MTA3: variants seen among roughly 807,000 people sequenced by gnomAD.
The protein encoded by MTA3 is metastasis-associated protein MTA3.
In MTA3, 34 loss-of-function variants were observed where a neutral mutation model predicts 83.5. The observed-to-expected ratio is 0.41, with a 90% CI of 0.31 to 0.54. MTA3 has a LOEUF of 0.54. Ranked by LOEUF, MTA3 falls within the 20% of genes least tolerant of loss-of-function variation. MTA3 has a pLI of 0.33. For missense variants in MTA3, 761 were observed against 726.4 expected (o/e 1.05, Z -0.55); for synonymous variants, 303 against 252.7 (o/e 1.20, Z -1.89).
chr2:42,724,586 G>A (rs1460359221), intron 16 of MTA3, among the ~76,000 whole-genome samples: 3 of 150,002 alleles, frequency 2.0e-5, no homozygotes, highest in African/African-American at 7.4e-5. Context: ...CGAGGCTGCA[G>A]TGAGCTCTGA....
rs553998490 is a variant in MTA3 at position 42,516,997 on chromosome 2, C to T, written c.-141+21743C>T. Among the ~76,000 whole-genome samples the T allele has an allele frequency of 1.3e-4, 20 of 152,198 alleles. No homozygotes were observed. The South Asian group carries it at 1.5e-3, about 11-fold the overall frequency. On this transcript the variant is annotated intron_variant, in intron 2 of 17. Coordinates refer to the MTA3 transcript ENST00000405592. ...AAATTTGGCCCGGTGTGGTGGCTCACGCCTGTAAACCCAGCACTTTGGGAG... is the reference window on the plus strand; with the variant it reads ...AAATTTGGCCCGGTGTGGTGGCTCATGCCTGTAAACCCAGCACTTTGGGAG...
chr2:42,635,897 C>T (rs1300856071), intron 4 of MTA3, among the ~76,000 whole-genome samples: 1 of 152,036 alleles, frequency 6.6e-6, no homozygotes, highest in East Asian at 1.9e-4. Flanking sequence ...TCCGCAGTAG[C>T]TGGGATTACA....
chr2:42,745,601 G>T (rs923921174), intron 16 of MTA3, among the ~76,000 whole-genome samples: 1 of 151,980 alleles, frequency 6.6e-6, no homozygotes, highest in African/African-American at 2.4e-5. Flanking sequence ...GCTCAAGCTG[G>T]TCTCGATTTC....
intron 6 of MTA3, among the ~76,000 whole-genome samples, chr2:42,651,846 C>A (rs1030277524): frequency 1.3e-5 from 2 of 151,268 alleles, no homozygotes; most frequent in African/African-American, 4.9e-5. Context: ...GTAATCCCAG[C>A]ACTTTGGGAG....
intron 8 of MTA3, among the ~76,000 whole-genome samples, chr2:42,668,815 A>G (rs1201727454): frequency 6.6e-6 from 1 of 152,220 alleles, no homozygotes; most frequent in Non-Finnish European, 1.5e-5. Flanking sequence ...TGTTAATATA[A>G]TCTTTCATAT....
At chr2:42,517,108 A>G (rs541523232) in intron 2 of MTA3, among the ~76,000 whole-genome samples, 1 of 152,024 alleles carries the variant, frequency 6.6e-6, no homozygotes, top group East Asian at 1.9e-4. Context: ...AAAAATACAA[A>G]AATAAACCGG....
At chr2:42,643,089 A>G (rs1385840839) in intron 5 of MTA3, among the ~76,000 whole-genome samples, 3 of 128,928 alleles carry the variant, frequency 2.3e-5, no homozygotes, top group South Asian at 5.8e-4. Context: ...TTTTCCTGAC[A>G]GTGAACAATG....
At position 42,522,050 on chromosome 2, in the gene MTA3, G is replaced by A. The variant is rs140590434; in HGVS notation, c.-141+26796G>A. On this transcript the variant is annotated intron_variant, in intron 2 of 17. Transcript: ENST00000405592. ...ATTATAGGCATGAGCCACTGTGCCT[G>A]GCCACACCTGAATCTTTCTAAGGCA... is the stretch of plus-strand genomic sequence containing the variant. Among the ~76,000 whole-genome samples, 491 of 152,224 alleles carry A rather than the reference G, an allele frequency of 3.2e-3. 3 individuals are homozygous for A. The highest frequency in any genetic ancestry group is 3.9e-3 in the Non-Finnish European group (263 of 68,028).
At chr2:42,634,704 C>T (rs1687016305) in intron 4 of MTA3, among the ~76,000 whole-genome samples, 1 of 151,868 alleles carries the variant, frequency 6.6e-6, no homozygotes, top group Admixed American at 6.6e-5. Context: ...ATATGGCTGT[C>T]TAATAATATC....
intron 16 of MTA3, among the ~76,000 whole-genome samples, chr2:42,744,936 A>G (rs1037231399): frequency 5.3e-5 from 8 of 152,204 alleles, no homozygotes; most frequent in Non-Finnish European, 1.0e-4. Flanking sequence ...CCCCAGGGCA[A>G]TGGAAATGGA....
At chr2:42,614,601 G>A (rs1386441943) in intron 4 of MTA3, among the ~76,000 whole-genome samples, 6 of 151,848 alleles carry the variant, frequency 4.0e-5, no homozygotes, top group African/African-American at 1.5e-4. Context: ...TGTGATGCTC[G>A]GGCTGTTGTA....
intron 8 of MTA3, among the ~76,000 whole-genome samples, chr2:42,670,467 T>C (rs1251465332): frequency 6.6e-6 from 1 of 152,168 alleles, no homozygotes; most frequent in African/African-American, 2.4e-5. Flanking sequence ...TAAAGTAGAA[T>C]AAGCATTCTG....
chr2:42,548,864 ATATATATATATAAT>A (rs1241428540), intron 2 of MTA3, among the ~76,000 whole-genome samples: 473 of 29,442 alleles, frequency 0.016, 111 homozygotes, highest in African/African-American at 0.13. Context: ...TATATAATAT[ATATATATATATAAT>A]ATATATATAT....
chr2:42,669,171 A>G (rs906669698), intron 8 of MTA3, among the ~76,000 whole-genome samples: 9 of 144,162 alleles, frequency 6.2e-5, no homozygotes, highest in African/African-American at 2.4e-4. Flanking sequence ...TGCAACCTCC[A>G]CCTTCTGGGT....
Position 42,708,021 on chromosome 2 carries a change from A to G in MTA3, c.1269A>G (p.Glu423=). 1.2e-6 allele frequency: 2 copies of G among 1,612,244 alleles called. No homozygotes were observed. Among genetic ancestry groups the G allele is most frequent in the South Asian group, 1.1e-5 (1 of 90,552 alleles). ...GCTTGAAAATGCCCACCCAGTCAGA[A>G]GAAGAGAAGTTATCTCCTAGCCCAA... is the stretch of plus-strand genomic sequence containing the variant. ...YGGLKMPTQS[E]EEKLSPSPTT... is the part of the protein sequence containing the mutation. The change falls in exon 13 of 17, where the codon GAA becomes GAG. Residue 423 remains glutamate, a synonymous_variant. Coordinates refer to ENST00000405094, the MANE Select transcript of MTA3 (RefSeq NM_001330442.2).
chr2:42,755,913 A>T lies in MTA3; in HGVS notation c.*2514A>T. The T allele has an allele frequency of 1.0e-6, 1 of 985,484 alleles. No homozygotes were observed. The highest frequency in any genetic ancestry group is 1.2e-6 in the Non-Finnish European group (1 of 829,976). 61.0% of individuals were successfully genotyped at this position (985,484 alleles called of 1,614,324 possible). A position where few individuals can be genotyped will look rare whatever the true frequency, so the allele number is the denominator to read the frequency against. On this transcript the variant is annotated 3_prime_UTR_variant, in exon 17 of 17. Transcript: ENST00000405094. Reference sequence around the variant, plus strand: ...CGCCTGCCCACCCTTCACTTCTTAAAGGTGCGCAAGAGAGGAGGGCCGACT... The same window carrying T: ...CGCCTGCCCACCCTTCACTTCTTAATGGTGCGCAAGAGAGGAGGGCCGACT...
At chr2:42,713,268 C>T (rs922931197) in intron 14 of MTA3, among the ~76,000 whole-genome samples, 1 of 152,108 alleles carries the variant, frequency 6.6e-6, no homozygotes, top group East Asian at 1.9e-4. Flanking sequence ...TTTGAAGAAG[C>T]TAATTTGGCT....
At chr2:42,499,293 G>A (rs1015727619) in intron 2 of MTA3, among the ~76,000 whole-genome samples, 2 of 151,418 alleles carry the variant, frequency 1.3e-5, no homozygotes, top group Non-Finnish European at 2.9e-5. Flanking sequence ...TCAGCCTCCT[G>A]AGCAGCTGGG....
chr2:42,594,755 C>T (rs1474733446), intron 3 of MTA3, among the ~76,000 whole-genome samples: 1 of 29,440 alleles, frequency 3.4e-5, no homozygotes, highest in Non-Finnish European at 5.6e-5. Context: ...GAGACAGAGT[C>T]TCACTCTGTT....
Sources: gnomAD v4.1 joint callset for allele counts (sites outside exome capture counted in the v4.1 genomes callset) on GRCh38, gnomAD v4.1.1 for gene constraint, MANE v1.5 for transcripts, NCBI Gene and HGNC (gene_info 2026-07-23, HGNC 2026-07-21) for gene names.